The following ZNF385D variants were observed in gnomAD, a reference collection of about 807,000 sequenced individuals.
ZNF385D encodes the protein zinc finger protein 659.
ZNF385D carries 15 observed loss-of-function variants against 35.8 expected under a neutral mutation model. That is an observed-to-expected ratio of 0.42 (90% CI 0.28 to 0.64). The LOEUF (loss-of-function observed/expected upper bound fraction) is 0.64. ZNF385D is among the 30% of genes least tolerant of loss of function. ZNF385D has a pLI of 0.23. For missense variants in ZNF385D, 474 were observed against 494.6 expected (o/e 0.96, Z 0.39); for synonymous variants, 212 against 186.8 (o/e 1.13, Z -1.10).
intron 3 of ZNF385D, among the ~76,000 whole-genome samples, chr3:22,041,989 T>C (rs948470970): frequency 3.3e-5 from 5 of 152,172 alleles, no homozygotes; most frequent in African/African-American, 1.2e-4. Context: ...TAGCAGTATT[T>C]TATTGCCTTA....
At chr3:21,881,888 A>T (rs2125865310) in intron 3 of ZNF385D, among the ~76,000 whole-genome samples, 1 of 152,182 alleles carries the variant, frequency 6.6e-6, no homozygotes, top group East Asian at 1.9e-4. Context: ...CAGAGGAAGT[A>T]ACTGCATATG....
At chr3:22,044,770 G>T (rs990234708) in intron 3 of ZNF385D, among the ~76,000 whole-genome samples, 2 of 152,034 alleles carry the variant, frequency 1.3e-5, no homozygotes, top group Non-Finnish European at 2.9e-5. Flanking sequence ...TTTCTTCCAA[G>T]ATCTTCAAGT....
At chr3:21,769,534 G>A (rs1459544857) in intron 3 of ZNF385D, among the ~76,000 whole-genome samples, 3 of 110,786 alleles carry the variant, frequency 2.7e-5, no homozygotes, top group African/African-American at 1.2e-4. Flanking sequence ...TACAAGGGAT[G>A]TGAAGGACCT....
intron 3 of ZNF385D, among the ~76,000 whole-genome samples, chr3:21,826,090 C>A (rs906441417): frequency 2.0e-5 from 3 of 152,136 alleles, no homozygotes; most frequent in Non-Finnish European, 4.4e-5. Context: ...GTCCCTAGTG[C>A]CAAAAACGTT....
intron 3 of ZNF385D, among the ~76,000 whole-genome samples, chr3:21,888,059 T>C (rs965192668): frequency 7.9e-5 from 12 of 152,286 alleles, no homozygotes; most frequent in Non-Finnish European, 7.4e-5. Context: ...TTCCCCCTTT[T>C]ATTCAAACTC....
At chr3:21,508,760 A>C (rs1706974894) in intron 4 of ZNF385D, among the ~76,000 whole-genome samples, 2 of 152,094 alleles carry the variant, frequency 1.3e-5, no homozygotes, top group Non-Finnish European at 2.9e-5. Context: ...ATGATACTAA[A>C]CTTCTACACT....
intron 4 of ZNF385D, among the ~76,000 whole-genome samples, chr3:21,473,056 A>G (rs1035488500): frequency 6.6e-6 from 1 of 152,144 alleles, no homozygotes; most frequent in African/African-American, 2.4e-5. Context: ...ATCACCTTCA[A>G]TCACCTTGAT....
intron 3 of ZNF385D, among the ~76,000 whole-genome samples, chr3:21,865,084 A>T (rs1697274956): frequency 1.3e-5 from 1 of 74,832 alleles, no homozygotes; most frequent in Non-Finnish European, 2.4e-5. Flanking sequence ...TTTTGAGAGG[A>T]GGAGCCTACC....
intron 3 of ZNF385D, among the ~76,000 whole-genome samples, chr3:21,949,550 C>CTTTTA (rs113874566): frequency 4.1e-5 from 4 of 96,972 alleles, no homozygotes; most frequent in Admixed American, 4.0e-4. Context: ...TCTTTTCTTT[C>CTTTTA]TTTCTTTTTT....
chr3:21,478,133 G>T (rs140463036), intron 4 of ZNF385D, among the ~76,000 whole-genome samples: 1 of 152,086 alleles, frequency 6.6e-6, no homozygotes, highest in Admixed American at 6.6e-5. Context: ...AAAGAAAAGA[G>T]TATGACTATA....
intron 4 of ZNF385D, among the ~76,000 whole-genome samples, chr3:21,446,486 A>ATT (rs1559454751): frequency 2.5e-5 from 2 of 78,626 alleles, no homozygotes; most frequent in Non-Finnish European, 4.9e-5. Context: ...TAATCAATGA[A>ATT]CTTTTTTTTT....
rs187414442 is a variant in ZNF385D at position 21,832,250 on chromosome 3, T to C, written c.326-167222A>G. Among the ~76,000 whole-genome samples, 163 of 152,332 alleles carry C rather than the reference T, an allele frequency of 1.1e-3. 2 individuals are homozygous for C. Among genetic ancestry groups the C allele is most frequent in the Non-Finnish European group, 9.4e-4 (64 of 68,030 alleles). On this transcript the variant is annotated intron_variant, in intron 3 of 5. Transcript: ENST00000494108. ...AGATCCAATAAAAATAAAAAAAGAT[T>C]ATAGCATTTCCTCAACTGCAACAAG...
At chr3:21,654,004 C>G (rs2065998502) in intron 2 of ZNF385D, among the ~76,000 whole-genome samples, 1 of 151,724 alleles carries the variant, frequency 6.6e-6, no homozygotes, top group African/African-American at 2.4e-5. Flanking sequence ...TTTGATAAAA[C>G]TGATTATTTT....
intron 3 of ZNF385D, among the ~76,000 whole-genome samples, chr3:22,145,399 TTC>T (rs2125710483): frequency 6.6e-6 from 1 of 152,354 alleles, no homozygotes; most frequent in Admixed American, 6.5e-5. Flanking sequence ...TGCAAGTTTC[TTC>T]TCTTTGAAGA....
rs140290815 is a variant in ZNF385D, at chr3:22,057,833, T to C, written c.325+110984A>G. Among the ~76,000 whole-genome samples the C allele has an allele frequency of 1.5e-3, 234 of 152,206 alleles. 1 individual carries two copies. Among genetic ancestry groups the C allele is most frequent in the African/African-American group, 5.4e-3 (223 of 41,544 alleles). On this transcript the variant is annotated intron_variant, in intron 3 of 5. Transcript: ENST00000494108. ...CCGGCCTCACGTTTTTAAAACCCAA[T>C]TTACTTTTCCTGACCTCCATACCCT...
At chr3:21,593,486 G>C (rs939541342) in intron 2 of ZNF385D, among the ~76,000 whole-genome samples, 4 of 151,966 alleles carry the variant, frequency 2.6e-5, no homozygotes, top group African/African-American at 9.7e-5. Context: ...TTTTCTATAC[G>C]AGTTTTAAAA....
chr3:21,452,810 C>T (rs1702541036), intron 4 of ZNF385D, among the ~76,000 whole-genome samples: 1 of 151,828 alleles, frequency 6.6e-6, no homozygotes, highest in Non-Finnish European at 1.5e-5. Flanking sequence ...TCAATGGAAT[C>T]CCTATCAAAT....
chr3:22,010,559 A>C (rs924944883), intron 3 of ZNF385D, among the ~76,000 whole-genome samples: 4 of 152,180 alleles, frequency 2.6e-5, no homozygotes, highest in African/African-American at 7.2e-5. Context: ...GTCCAATATG[A>C]CACAGTTGAG....
intron 3 of ZNF385D, among the ~76,000 whole-genome samples, chr3:21,893,678 G>A (rs1440554715): frequency 6.6e-6 from 1 of 152,108 alleles, no homozygotes; most frequent in Non-Finnish European, 1.5e-5. Context: ...GTATTCTGAA[G>A]GTTGAAAGTT....
Sources: allele counts gnomAD v4.1 joint callset (sites outside exome capture counted in the v4.1 genomes callset), GRCh38; gene constraint gnomAD v4.1.1; transcripts MANE v1.5; gene names NCBI Gene and HGNC (gene_info 2026-07-23, HGNC 2026-07-21).